Variants in PTCSC3 observed in about 807,000 individuals in gnomAD.
PTCSC3 encodes the protein papillary thyroid carcinoma susceptibility candidate 3 (non-protein coding).
chr14:36,150,770 T>C (rs1273831239), intron 3 of PTCSC3, among the ~76,000 whole-genome samples: 7 of 152,220 alleles, frequency 4.6e-5, no homozygotes, highest in Admixed American at 2.0e-4. Flanking sequence ...TAATAGTATG[T>C]AGCTTCATGG....
In PTCSC3 at chr14:36,174,875, AT is replaced by A. The variant is rs1458583213; in HGVS notation, n.171+1422del. Among the ~76,000 whole-genome samples the A allele has an allele frequency of 2.9e-3, 440 of 152,294 alleles. 2 individuals are homozygous for A. The highest frequency in any genetic ancestry group is 1.0e-2 in the African/African-American group (414 of 41,564). On this transcript the variant is annotated intron_variant and non_coding_transcript_variant, in intron 1 of 3. Transcript: ENST00000556013. ...TGTCAGGAGTTTTAACAAGATGTTA[AT>A]AAATCTCTCCTCTCTGGCAGGGCCA...
intron 1 of PTCSC3, among the ~76,000 whole-genome samples, chr14:36,165,817 C>T (rs1193021489): frequency 2.7e-5 from 4 of 150,606 alleles, no homozygotes; most frequent in African/African-American, 7.3e-5. Flanking sequence ...TAGAAGAAGC[C>T]GTGGGAGGAA....
At chr14:36,159,503 T>C (rs1283527445) in intron 2 of PTCSC3, among the ~76,000 whole-genome samples, 2 of 152,242 alleles carry the variant, frequency 1.3e-5, no homozygotes, top group Non-Finnish European at 2.9e-5. Flanking sequence ...TTTCATTATT[T>C]ACCCAGTAGT....
intron 3 of PTCSC3, among the ~76,000 whole-genome samples, chr14:36,152,175 CATACAA>C (rs891489434): frequency 6.6e-6 from 1 of 151,520 alleles, no homozygotes; most frequent in African/African-American, 2.4e-5. Context: ...TACAATATTA[CATACAA>C]ATATATCTTC....
intron 3 of PTCSC3, among the ~76,000 whole-genome samples, chr14:36,152,900 A>C (rs201312834): frequency 4.2e-5 from 1 of 23,838 alleles, no homozygotes; most frequent in South Asian, 1.4e-3. Context: ...TCTCGAAAGG[A>C]AAAAAAAAAA....
At chr14:36,152,127 T>A (rs1288970000) in intron 3 of PTCSC3, among the ~76,000 whole-genome samples, 1 of 152,156 alleles carries the variant, frequency 6.6e-6, no homozygotes, top group Non-Finnish European at 1.5e-5. Flanking sequence ...CTCTGTGGAT[T>A]TTAGATATAA....
At chr14:36,142,392 T>C (rs1881443509) in intron 3 of PTCSC3, among the ~76,000 whole-genome samples, 1 of 152,200 alleles carries the variant, frequency 6.6e-6, no homozygotes, top group South Asian at 2.1e-4. Context: ...TCGTATTTTG[T>C]TGGAGATTTT....
chr14:36,140,277 G>A (rs891395760), intron 3 of PTCSC3, among the ~76,000 whole-genome samples: 3 of 152,190 alleles, frequency 2.0e-5, no homozygotes, highest in Admixed American at 2.0e-4. Flanking sequence ...GGGCAATTAT[G>A]AATAAAGCTG....
At chr14:36,150,661 C>T (rs1319973111) in intron 3 of PTCSC3, among the ~76,000 whole-genome samples, 6 of 152,088 alleles carry the variant, frequency 3.9e-5, no homozygotes, top group Non-Finnish European at 8.8e-5. Context: ...TTATATGATT[C>T]CATTTTCCCT....
In PTCSC3 at chr14:36,166,132, G is replaced by A. The variant is rs371384616; in HGVS notation, n.172-3449C>T. Among the ~76,000 whole-genome samples, 20 of 146,330 alleles carry A rather than the reference G, an allele frequency of 1.4e-4. No homozygotes were observed. In the East Asian group the frequency reaches 3.5e-3, roughly 25 times the overall value. On this transcript the variant is annotated intron_variant and non_coding_transcript_variant, in intron 1 of 3. Coordinates refer to ENST00000556013, the Ensembl canonical transcript of PTCSC3. ...AGTCTTCATATTGTTTTGTCCATCC[G>A]TCCACCTGTCTGTCCATCCACCCGA... is the stretch of plus-strand genomic sequence containing the variant.
downstream of PTCSC3, among the ~76,000 whole-genome samples, chr14:36,134,983 G>C (rs1881253130): frequency 6.6e-6 from 1 of 152,090 alleles, no homozygotes; most frequent in South Asian, 2.1e-4. Context: ...TTGACATCTG[G>C]CCTTTTAAAG....
intron 3 of PTCSC3, among the ~76,000 whole-genome samples, chr14:36,144,133 G>C (rs1229768716): frequency 6.6e-6 from 1 of 152,034 alleles, no homozygotes; most frequent in Non-Finnish European, 1.5e-5. Flanking sequence ...GATTGGCTTG[G>C]TAATGCGGGC....
chr14:36,157,869 T>C (rs1881864137), intron 2 of PTCSC3, among the ~76,000 whole-genome samples: 2 of 152,194 alleles, frequency 1.3e-5, no homozygotes, highest in Admixed American at 1.3e-4. Flanking sequence ...TTTCATGATA[T>C]TGATTCTTCC....
At chr14:36,139,309 G>C (rs1881367830) in intron 3 of PTCSC3, among the ~76,000 whole-genome samples, 1 of 152,064 alleles carries the variant, frequency 6.6e-6, no homozygotes. Context: ...ACACGGATAA[G>C]CTCCAAAAAC....
At chr14:36,162,350 C>T (rs971193576) in intron 2 of PTCSC3, among the ~76,000 whole-genome samples, 5 of 151,420 alleles carry the variant, frequency 3.3e-5, no homozygotes, top group Non-Finnish European at 5.9e-5. Flanking sequence ...ACCTAGGTCC[C>T]TTGTGGTGTA....
intron 3 of PTCSC3, among the ~76,000 whole-genome samples, chr14:36,138,490 C>T (rs1881338258): frequency 6.6e-6 from 1 of 152,074 alleles, no homozygotes; most frequent in South Asian, 2.1e-4. Context: ...AGTTATAACT[C>T]AATAAGAGAC....
chr14:36,157,439 A>G lies in PTCSC3; in HGVS notation n.232-3545T>C, dbSNP rs557674020. On this transcript the variant is annotated intron_variant and non_coding_transcript_variant, in intron 2 of 3. Transcript: ENST00000556013. ...TTTGTCAATTTTGGCTTTTGTTGCC[A>G]TTGCTTTTGGTGTTTTATTCATGAA... 2.0e-3 allele frequency among the ~76,000 whole-genome samples: 304 copies of G among 152,186 alleles called. 2 individuals are homozygous for G. The highest frequency in any genetic ancestry group is 3.4e-3 in the Middle Eastern group (1 of 294).
At position 36,147,018 on chromosome 14, in the gene PTCSC3, C is replaced by A. The variant is rs528495942; in HGVS notation, n.322+6786G>T. Reference sequence around the variant, plus strand: ...CACTCTCTTCTGACTTGTAGAGTTTCTACTGAGAGATCAGCTGTTAGTCTG... The same window carrying A: ...CACTCTCTTCTGACTTGTAGAGTTTATACTGAGAGATCAGCTGTTAGTCTG... On this transcript the variant is annotated intron_variant and non_coding_transcript_variant, in intron 3 of 3. Transcript: ENST00000556013. Among the ~76,000 whole-genome samples the A allele has an allele frequency of 3.2e-4, 48 of 152,322 alleles. No homozygotes were observed. In the East Asian group the frequency reaches 8.3e-3, roughly 26 times the overall value.
At chr14:36,139,450 A>G (rs1881370111) in intron 3 of PTCSC3, among the ~76,000 whole-genome samples, 1 of 152,164 alleles carries the variant, frequency 6.6e-6, no homozygotes. Flanking sequence ...TAAAATACAT[A>G]CAGAATCCAT....
Sources: allele counts gnomAD v4.1 joint callset (sites outside exome capture counted in the v4.1 genomes callset), GRCh38; gene constraint gnomAD v4.1.1; transcripts MANE v1.5; gene names NCBI Gene and HGNC (gene_info 2026-07-23, HGNC 2026-07-21).